The following TLE3 variants were observed in gnomAD, a reference collection of about 807,000 sequenced individuals.
TLE3 encodes the protein transducin-like enhancer protein 3.
TLE3 carries 14 observed loss-of-function variants against 93.0 expected under a neutral mutation model. That is an observed-to-expected ratio of 0.15 (90% CI 0.10 to 0.24). The LOEUF is 0.24. TLE3 is among the 10% of genes least tolerant of loss of function. The pLI is 1.00. For synonymous variants in TLE3, 451 were observed against 425.0 expected (o/e 1.06, Z -0.75); for missense variants, 693 against 1,046.6 (o/e 0.66, Z 4.66).
rs754497012 is a variant in TLE3 at position 70,094,601 on chromosome 15, A to G, written c.190-25T>C. 6.0e-6 allele frequency: 9 copies of G among 1,502,292 alleles called. No individual in the cohort carries two copies. In the Admixed American group the frequency reaches 2.1e-4, roughly 35 times the overall value. 93.1% of individuals were successfully genotyped at this position (1,502,292 alleles called of 1,614,324 possible). A position where few individuals can be genotyped will look rare whatever the true frequency, so the allele number is the denominator to read the frequency against. The stretch of plus-strand genomic sequence containing the variant: ...ACTAAAAGTAAAAAGAATGGCTATT[A>G]ACAGACAACACAGAAATCTGGTCAT... On this transcript the variant is annotated intron_variant, in intron 3 of 19. Transcript: ENST00000451782.
rs928097223 is a variant in TLE3 at position 70,094,048 on chromosome 15, G to A, written c.234+484C>T. 4.6e-5 allele frequency among the ~76,000 whole-genome samples: 7 copies of A among 151,446 alleles called. No homozygotes were observed. The East Asian group carries it at 5.8e-4, about 13-fold the overall frequency. On this transcript the variant is annotated intron_variant, in intron 4 of 19. Transcript: ENST00000451782. ...ATATTTTTAAGCAGTTAGTGGCTTC[G>A]TTCCCTTAAATTTCGACAGCTCAGC...
chr15:70,088,414 AT>A (rs540351566), intron 4 of TLE3, among the ~76,000 whole-genome samples: 12 of 152,250 alleles, frequency 7.9e-5, no homozygotes, highest in African/African-American at 2.2e-4. Flanking sequence ...TTTATAAAGA[AT>A]TTTTTTTAAA....
At chr15:70,079,760 A>G (rs1196513476) in intron 4 of TLE3, among the ~76,000 whole-genome samples, 4 of 152,018 alleles carry the variant, frequency 2.6e-5, no homozygotes, top group African/African-American at 9.7e-5. Context: ...TAACAACAGT[A>G]ATGACCGCTG....
At chr15:70,082,808 G>A (rs1350402033) in intron 4 of TLE3, among the ~76,000 whole-genome samples, 8 of 152,302 alleles carry the variant, frequency 5.3e-5, no homozygotes, top group Admixed American at 2.6e-4. Context: ...ACAGTGAGGA[G>A]CCAGGGCAGG....
At position 70,059,300 on chromosome 15, in the gene TLE3, G is replaced by GC. The variant is rs552218487; in HGVS notation, c.765+109dup. On this transcript the variant is annotated intron_variant, in intron 10 of 19. Transcript: ENST00000451782. ...CCAAGACTGGAGGCCTTGTCTCCCT[G>GC]CTCAGGCTGCCAGTAATACTAGAAC... The GC allele has an allele frequency of 6.7e-4, 893 of 1,323,138 alleles. 5 individuals are homozygous for GC. The African/African-American group carries it at 0.011, about 17-fold the overall frequency. 82.0% of individuals were successfully genotyped at this position (1,323,138 alleles called of 1,614,324 possible).
At chr15:70,096,520 T>C in intron 1 of TLE3, 1 of 1,282,468 alleles carries the variant, frequency 7.8e-7, no homozygotes. Flanking sequence ...CCGGGTGAGT[T>C]GGGAGACTTC....
chr15:70,079,744 C>A (rs1201369753), intron 4 of TLE3, among the ~76,000 whole-genome samples: 5 of 151,940 alleles, frequency 3.3e-5, no homozygotes, highest in Non-Finnish European at 5.9e-5. Flanking sequence ...TTAACAGAAG[C>A]CCTCCTAACA....
rs747855821 is a variant in TLE3 at position 70,076,091 on chromosome 15, C to T, written c.297+5G>A. On this transcript the variant is annotated splice_donor_5th_base_variant and intron_variant, in intron 5 of 19. Coordinates refer to ENST00000451782, the MANE Select transcript of TLE3 (RefSeq NM_001105192.3). ...AAAGGAAGAAATAATAAAAGAAGGT[C>T]TTACCTCTTGTGACAGGAAAGGCAT... 2 of 1,613,656 alleles carry T rather than the reference C, an allele frequency of 1.2e-6. No homozygotes were observed. The highest frequency in any genetic ancestry group is 1.7e-6 in the Non-Finnish European group (2 of 1,179,630).
intron 8 of TLE3, among the ~76,000 whole-genome samples, chr15:70,064,006 A>C (rs2056661294): frequency 6.6e-6 from 1 of 152,058 alleles, no homozygotes; most frequent in Non-Finnish European, 1.5e-5. Context: ...TAGCCCAGAG[A>C]CTCCACAAAG....
intron 6 of TLE3, 157 bp downstream of exon 6, chr15:70,074,376 C>T (rs2057336564): frequency 1.2e-6 from 1 of 848,202 alleles, no homozygotes; most frequent in Non-Finnish European, 1.8e-6. Flanking sequence ...AACAGCCCTA[C>T]ATGGGTCCAA....
rs200149328 is a variant in TLE3 at position 70,096,202 on chromosome 15, C to T, written c.84G>A (p.Arg28=). 6.2e-5 allele frequency: 97 copies of T among 1,562,020 alleles called. No homozygotes were observed. Among genetic ancestry groups the T allele is most frequent in the African/African-American group, 4.6e-4 (34 of 73,658 alleles). ...FKFTVAESCD[R]IKDEFQFLQA... ...GCAGGAACTGGAATTCGTCTTTGAT[C>T]CTGTCACAAGACTCAGCCACCGTGA... is the stretch of plus-strand genomic sequence containing the variant. The change falls in exon 2 of 20, where the codon AGG becomes AGA. Residue 28 remains arginine, a synonymous_variant. Transcript: ENST00000451782.
Position 70,058,144 on chromosome 15 carries a change from G to A in TLE3, c.1051+15C>T. On this transcript the variant is annotated intron_variant, in intron 12 of 19. Transcript: ENST00000451782. The surrounding 1 kb of genome is among the most constrained non-coding windows in gnomAD (Gnocchi z 4.1). ...CAATCAGATTAACCCAGCCCATGGT[G>A]CCTACCCATTATACCTATCGGGTCC... 1 of 1,613,916 alleles carries A rather than the reference G, an allele frequency of 6.2e-7. No individual in the cohort carries two copies. Among genetic ancestry groups the A allele is most frequent in the East Asian group, 2.2e-5 (1 of 44,880 alleles).
intron 12 of TLE3, 177 bp downstream of exon 12, chr15:70,057,982 G>A (rs1048754634): frequency 2.3e-5 from 24 of 1,041,258 alleles, no homozygotes; most frequent in Admixed American, 1.4e-4. Flanking sequence ...GCCCAGCAGG[G>A]GTCCCAGAAA....
At chr15:70,052,302 C>A in intron 18 of TLE3, 72 bp downstream of exon 18, 2 of 1,572,430 alleles carry the variant, frequency 1.3e-6, no homozygotes, top group Admixed American at 3.4e-5. Context: ...GGCCCCTCTT[C>A]TGTCCTGTTG....
chr15:70,069,252 G>A (rs575747978), intron 6 of TLE3, among the ~76,000 whole-genome samples: 8 of 152,298 alleles, frequency 5.3e-5, no homozygotes, highest in South Asian at 2.1e-4. Context: ...GGTGCCAACC[G>A]CCTCCCAGCT....
intron 4 of TLE3, among the ~76,000 whole-genome samples, chr15:70,089,993 G>C (rs759972369): frequency 6.6e-6 from 1 of 152,166 alleles, no homozygotes; most frequent in Non-Finnish European, 1.5e-5. Context: ...TAAGGACAAG[G>C]GGCCATTTGC....
At position 70,050,219 on chromosome 15, in the gene TLE3, C is replaced by T. The variant is rs375538463; in HGVS notation, c.2203-15G>A. On this transcript the variant is annotated splice_polypyrimidine_tract_variant and intron_variant, in intron 19 of 19. Transcript: ENST00000451782. ...GATTCTTTAGACTGGAGGAGGAAGA[C>T]GAGGAGAAGCAGCAGGAAGGCGTGG... 3.9e-5 allele frequency: 62 copies of T among 1,603,878 alleles called. No homozygotes were observed. The African/African-American group carries it at 3.9e-4, about 10-fold the overall frequency.
chr15:70,060,845 C>G (rs1349618031), intron 8 of TLE3, 196 bp from the exon 9 acceptor site: 4 of 788,962 alleles, frequency 5.1e-6, no homozygotes, highest in East Asian at 6.5e-5. Context: ...ACTGAGTCCC[C>G]GGGGAGATGC....
Position 70,097,497 on chromosome 15 carries a change from G to A in TLE3, c.-699C>T, listed in dbSNP as rs907962401. On this transcript the variant is annotated 5_prime_UTR_variant, in exon 1 of 20. Transcript: ENST00000451782. ...GCTGCAAGCCCTTCCCAGGGCCGGG[G>A]AGGAACTCCGGGCTCAGTAGGTGCA... 7 of 408,754 alleles carry A rather than the reference G, an allele frequency of 1.7e-5. No homozygotes were observed. Among genetic ancestry groups the A allele is most frequent in the African/African-American group, 1.4e-4 (7 of 48,720 alleles). The allele number at this position is 408,754 out of a possible 1,614,324, so 25.3% of individuals were successfully genotyped here.
Sources: gnomAD v4.1 joint callset for allele counts (sites outside exome capture counted in the v4.1 genomes callset) on GRCh38, gnomAD v4.1.1 for gene constraint, Gnocchi (gnomAD v3.1) non-coding constraint, MANE v1.5 for transcripts, NCBI Gene and HGNC (gene_info 2026-07-23, HGNC 2026-07-21) for gene names.